The following FAM83G variants were observed in gnomAD, a reference collection of about 807,000 sequenced individuals.
FAM83G encodes the protein protein FAM83G.
In FAM83G, 38 loss-of-function variants were observed where a neutral mutation model predicts 61.5. The ratio of observed to expected loss-of-function variants is 0.62; its 90% confidence interval spans 0.48 to 0.81. The LOEUF is 0.81. Ranked by LOEUF, FAM83G falls within the 30% of genes least tolerant of loss-of-function variation. The pLI is 0.00. For missense variants in FAM83G, 989 were observed against 1,133.6 expected (o/e 0.87, Z 1.83); for synonymous variants, 470 against 476.1 (o/e 0.99, Z 0.17).
intron 2 of FAM83G, among the ~76,000 whole-genome samples, chr17:18,999,871 G>A: frequency 6.6e-6 from 1 of 152,246 alleles, no homozygotes; most frequent in East Asian, 1.9e-4. Flanking sequence ...AGGAAGGTGT[G>A]ATCTGTCCCT....
Position 18,978,427 on chromosome 17 carries a change from C to T in FAM83G, c.1239G>A (p.Thr413=), listed in dbSNP as rs373890767. Reference sequence around the variant, plus strand: ...CAGGCTCCGGGTCTGGCTCCACCCACGTGGGCAGGTACTCAAACATGTTGG... The same window carrying T: ...CAGGCTCCGGGTCTGGCTCCACCCATGTGGGCAGGTACTCAAACATGTTGG... ...ERANMFEYLP[T]WVEPDPEPGS... is the part of the protein sequence containing the mutation. The change falls in exon 5 of 6, where the codon ACG becomes ACA. Residue 413 remains threonine, a synonymous_variant. Transcript: ENST00000388995. 5.1e-5 allele frequency: 81 copies of T among 1,596,292 alleles called. No homozygotes were observed. The African/African-American group carries it at 7.8e-4, about 15-fold the overall frequency.
chr17:18,978,327 T>C lies in FAM83G; in HGVS notation c.1339A>G (p.Ile447Val), dbSNP rs751699890. ...WNPQPSQMNRIKIRDTSQASA... is the reference protein window; with the variant it reads ...WNPQPSQMNRVKIRDTSQASA... ...GCCTGGGAGGTGTCACGGATCTTGA[T>C]GCGGTTCATCTGGCTGGGCTGGGGG... is the stretch of plus-strand genomic sequence containing the variant. The change falls in exon 5 of 6, where the codon ATC becomes GTC. Residue 447 changes from isoleucine to valine, a missense_variant. Around this residue, in one of 3 missense-constraint regions of FAM83G, gnomAD observed 574 missense variants for 645.1 expected, o/e 0.89. Transcript: ENST00000388995. 5.6e-6 allele frequency: 9 copies of C among 1,607,738 alleles called. No individual in the cohort carries two copies. In the Admixed American group the frequency reaches 1.5e-4, roughly 27 times the overall value.
chr17:18,994,613 C>G (rs1597880456), intron 2 of FAM83G, among the ~76,000 whole-genome samples: 1 of 152,154 alleles, frequency 6.6e-6, no homozygotes, highest in Admixed American at 6.5e-5. Context: ...CTGGTGCTCA[C>G]GCAGGACCGG....
At position 18,999,607 on chromosome 17, in the gene FAM83G, G is replaced by A. The variant is rs547210159; in HGVS notation, c.522+3913C>T. 2.0e-4 allele frequency among the ~76,000 whole-genome samples: 30 copies of A among 152,346 alleles called. No homozygotes were observed. In the South Asian group the frequency reaches 3.1e-3, roughly 16 times the overall value. Reference sequence around the variant, plus strand: ...GTAAAGTGCCCGCTCAGCACCTGGCGCGGGGCTGGCATTTAGTAAGCACCT... The same window carrying A: ...GTAAAGTGCCCGCTCAGCACCTGGCACGGGGCTGGCATTTAGTAAGCACCT... On this transcript the variant is annotated intron_variant, in intron 2 of 5. Transcript: ENST00000388995.
chr17:18,978,365 G>A lies in FAM83G; in HGVS notation c.1301C>T (p.Pro434Leu), dbSNP rs780418569. 1.4e-5 allele frequency: 23 copies of A among 1,596,334 alleles called. No individual in the cohort carries two copies. The highest frequency in any genetic ancestry group is 1.8e-5 in the Non-Finnish European group (21 of 1,171,854). ...GCTGGGCTGGGGGTTCCAGATGTTG[G>A]GGTCGATGATATTGATGTAGCCCAG... ...DILGYINIID[P>L]NIWNPQPSQM... Residue 434 changes from proline (P) to leucine (L), a missense_variant, in exon 5 of 6, where the codon CCC becomes CTC. Pro to Leu is a moderately conservative substitution (Grantham distance 98). Coordinates refer to ENST00000388995, the MANE Select transcript of FAM83G (RefSeq NM_001039999.3).
intron 3 of FAM83G, among the ~76,000 whole-genome samples, chr17:18,980,947 G>A (rs745911086): frequency 7.2e-5 from 11 of 152,130 alleles, no homozygotes; most frequent in Admixed American, 5.9e-4. Context: ...GCTCTGTGCC[G>A]GCTTCTGGCT....
chr17:18,999,283 GAA>G (rs959679416), intron 2 of FAM83G, among the ~76,000 whole-genome samples: 1 of 136,266 alleles, frequency 7.3e-6, no homozygotes, highest in Non-Finnish European at 1.6e-5. Context: ...GTCTCAAGAA[GAA>G]AAAAAAAAAA....
Position 18,977,861 on chromosome 17 carries a change from C to T in FAM83G, c.1805G>A (p.Arg602His), listed in dbSNP as rs577449943. ...TGAGGGCCGTCGGGGGCCAGGGCCACGGCCGGAGCTGCCTGAGTGGCTGTC... is the reference window on the plus strand; with the variant it reads ...TGAGGGCCGTCGGGGGCCAGGGCCATGGCCGGAGCTGCCTGAGTGGCTGTC... The part of the protein sequence containing the change: ...DQDSHSGSSG[R>H]GPGPRRPSVA... The change falls in exon 5 of 6, where the codon CGT (arginine) becomes CAT (histidine). Residue 602 changes from arginine (R) to histidine (H), a missense_variant. By Grantham distance (29) the Arg-to-His change is conservative. Transcript: ENST00000388995. The T allele has an allele frequency of 9.3e-6, 15 of 1,610,804 alleles. No homozygotes were observed. Among genetic ancestry groups the T allele is most frequent in the Admixed American group, 5.0e-5 (3 of 59,932 alleles).
chr17:18,981,465 G>T (rs2043131211), intron 3 of FAM83G, among the ~76,000 whole-genome samples: 1 of 152,182 alleles, frequency 6.6e-6, no homozygotes, highest in African/African-American at 2.4e-5. Flanking sequence ...GGGGTTGGGT[G>T]TGTATCTCAG....
At position 18,969,595 on chromosome 17, in the gene FAM83G, C is replaced by T; in HGVS notation, c.*1764G>A. Reference sequence around the variant, plus strand: ...AGGCAGTCAGCCCCCCTGCTGGCCCCTCAGGGACTGCCCTGGCTGGTAGAG... The same window carrying T: ...AGGCAGTCAGCCCCCCTGCTGGCCCTTCAGGGACTGCCCTGGCTGGTAGAG... On this transcript the variant is annotated 3_prime_UTR_variant, in exon 6 of 6. Transcript: ENST00000388995. The T allele has an allele frequency of 1.7e-6, 1 of 596,902 alleles. No individual in the cohort carries two copies. Among genetic ancestry groups the T allele is most frequent in the Non-Finnish European group, 2.9e-6 (1 of 344,866 alleles). 37.0% of individuals were successfully genotyped at this position (596,902 alleles called of 1,614,324 possible).
Position 18,968,993 on chromosome 17 carries a change from G to A in FAM83G, c.*2366C>T. 1.3e-6 allele frequency: 2 copies of A among 1,539,042 alleles called. No homozygotes were observed. Among genetic ancestry groups the A allele is most frequent in the Admixed American group, 3.7e-5 (2 of 53,914 alleles). ...AGGGCCTTGCCCGAGGTCACCCAGGGAGTGGCTTGCTGGAGCCCTGGGAAT... is the reference window on the plus strand; with the variant it reads ...AGGGCCTTGCCCGAGGTCACCCAGGAAGTGGCTTGCTGGAGCCCTGGGAAT... On this transcript the variant is annotated 3_prime_UTR_variant, in exon 6 of 6. Coordinates refer to ENST00000388995, the MANE Select transcript of FAM83G (RefSeq NM_001039999.3). This position sits in a 1 kb window ranked among gnomAD's most constrained non-coding sequence, Gnocchi z 4.1.
chr17:19,002,382 G>A (rs1328468503), intron 2 of FAM83G, among the ~76,000 whole-genome samples: 1 of 152,228 alleles, frequency 6.6e-6, no homozygotes, highest in Non-Finnish European at 1.5e-5. Flanking sequence ...AGGGCCAGGG[G>A]CCACCTCACC....
chr17:18,981,361 G>A (rs1440727359), intron 3 of FAM83G, among the ~76,000 whole-genome samples: 4 of 152,138 alleles, frequency 2.6e-5, no homozygotes, highest in East Asian at 1.9e-4. Context: ...GAGCAGGGGC[G>A]GGCTCCTGGT....
intron 3 of FAM83G, among the ~76,000 whole-genome samples, chr17:18,980,130 G>A (rs2043092981): frequency 6.6e-6 from 1 of 152,148 alleles, no homozygotes; most frequent in Non-Finnish European, 1.5e-5. Context: ...GGCCTGCCCT[G>A]CAGAATCTGT....
chr17:18,982,502 G>A (rs1310563681), intron 3 of FAM83G, among the ~76,000 whole-genome samples: 1 of 152,244 alleles, frequency 6.6e-6, no homozygotes, highest in Non-Finnish European at 1.5e-5. Flanking sequence ...TGGCCCAAGA[G>A]GGGTGCCCTG....
At chr17:18,978,978 G>T in intron 4 of FAM83G, 128 bp from the exon 5 acceptor site, 3 of 1,061,926 alleles carry the variant, frequency 2.8e-6, no homozygotes, top group Admixed American at 2.4e-5. Flanking sequence ...GTGAATGGGG[G>T]CAGAGAGCAG....
intron 2 of FAM83G, among the ~76,000 whole-genome samples, chr17:19,001,147 G>A (rs775519987): frequency 3.9e-5 from 6 of 152,282 alleles, no homozygotes; most frequent in South Asian, 2.1e-4. Flanking sequence ...AAAGCGCCTC[G>A]CACTCAGTCA....
Position 18,971,283 on chromosome 17 carries a change from G to A in FAM83G, c.*76C>T. 6.2e-7 allele frequency: 1 copy of A among 1,610,068 alleles called. No individual in the cohort carries two copies. On this transcript the variant is annotated 3_prime_UTR_variant, in exon 6 of 6. Coordinates refer to ENST00000388995, the MANE Select transcript of FAM83G (RefSeq NM_001039999.3). The surrounding 1 kb of genome is among the most constrained non-coding windows in gnomAD (Gnocchi z 5.5). The stretch of plus-strand genomic sequence containing the variant: ...GTCCCAGTGGGCTCTGGTAGGCCCA[G>A]GCGGCCTGTCTGCCCTCCGCGTCAT...
chr17:18,973,510 C>T (rs1028853575), intron 5 of FAM83G, among the ~76,000 whole-genome samples: 1 of 152,168 alleles, frequency 6.6e-6, no homozygotes, highest in Non-Finnish European at 1.5e-5. Flanking sequence ...TGCGGGGCCT[C>T]GGTCCAGAAA....
Sources: allele counts gnomAD v4.1 joint callset (sites outside exome capture counted in the v4.1 genomes callset), GRCh38; gene constraint gnomAD v4.1.1; regional missense constraint gnomAD v4.1.1; non-coding constraint Gnocchi (gnomAD v3.1); transcripts MANE v1.5; gene names NCBI Gene and HGNC (gene_info 2026-07-23, HGNC 2026-07-21).